The following DTNA variants were observed in gnomAD, a reference collection of about 807,000 sequenced individuals.
DTNA encodes the protein dystrophin-related protein 3.
A neutral mutation model predicts 100.7 loss-of-function variants in DTNA; 43 were observed. The ratio of observed to expected loss-of-function variants is 0.43; its 90% CI spans 0.33 to 0.55. DTNA has a LOEUF of 0.55. Among genes scored for constraint, DTNA ranks in the 20% least tolerant of loss-of-function variants. The pLI is 0.04. For missense variants in DTNA, 798 were observed against 953.9 expected (o/e 0.84, Z 2.15); for synonymous variants, 349 against 347.9 (o/e 1.00, Z -0.04).
At chr18:34,739,494 G>T (rs573349842) in intron 1 of DTNA, among the ~76,000 whole-genome samples, 2 of 152,126 alleles carry the variant, frequency 1.3e-5, no homozygotes, top group Non-Finnish European at 2.9e-5. Flanking sequence ...AGACAGATGT[G>T]CCACAGAGCA....
intron 1 of DTNA, among the ~76,000 whole-genome samples, chr18:34,511,534 A>G (rs1005958226): frequency 3.9e-5 from 6 of 152,086 alleles, no homozygotes; most frequent in East Asian, 1.9e-4. Context: ...TAAGCAATCA[A>G]ATGGGGCCAG....
chr18:34,717,614 A>T (rs969464504), intron 1 of DTNA, among the ~76,000 whole-genome samples: 2 of 152,180 alleles, frequency 1.3e-5, no homozygotes, highest in South Asian at 4.1e-4. Flanking sequence ...TGTGTTGGAC[A>T]CTGACATTGA....
intron 17 of DTNA, among the ~76,000 whole-genome samples, chr18:34,865,547 A>G (rs1489754735): frequency 6.6e-6 from 1 of 152,242 alleles, no homozygotes; most frequent in Non-Finnish European, 1.5e-5. Context: ...TGTACAGTGT[A>G]GAATTCAATT....
intron 11 of DTNA, among the ~76,000 whole-genome samples, chr18:34,832,182 T>G (rs1198899432): frequency 6.6e-6 from 1 of 152,222 alleles, no homozygotes; most frequent in Non-Finnish European, 1.5e-5. Context: ...CCATCCATTT[T>G]CAGTCATAAA....
At chr18:34,645,971 C>T (rs2621757) in intron 1 of DTNA, among the ~76,000 whole-genome samples, 17,584 of 152,030 alleles carry the variant, frequency 0.12, 1,073 homozygotes, top group African/African-American at 0.15. Context: ...CATCCTGGTC[C>T]CCTCCTATTT....
intron 1 of DTNA, among the ~76,000 whole-genome samples, chr18:34,609,204 A>G (rs373678171): frequency 2.0e-5 from 3 of 151,762 alleles, no homozygotes; most frequent in African/African-American, 2.4e-5. Flanking sequence ...GATAAACTAT[A>G]TAATCTATCA....
intron 1 of DTNA, among the ~76,000 whole-genome samples, chr18:34,735,771 C>G (rs2089440062): frequency 6.6e-6 from 1 of 152,124 alleles, no homozygotes; most frequent in Non-Finnish European, 1.5e-5. Flanking sequence ...TTTGCTACAC[C>G]TATCAACTCA....
At chr18:34,810,554 G>A (rs576391320) in intron 5 of DTNA, among the ~76,000 whole-genome samples, 1 of 151,784 alleles carries the variant, frequency 6.6e-6, no homozygotes, top group Non-Finnish European at 1.5e-5. Flanking sequence ...CAGGAGGTTG[G>A]GGGGATAGGG....
intron 1 of DTNA, among the ~76,000 whole-genome samples, chr18:34,602,775 G>A (rs928539233): frequency 6.6e-6 from 1 of 151,868 alleles, no homozygotes; most frequent in African/African-American, 2.4e-5. Context: ...ACTTTGGGAG[G>A]CCGCCGGATC....
At chr18:34,878,910 A>T (rs1036963696) in intron 19 of DTNA, among the ~76,000 whole-genome samples, 1 of 152,202 alleles carries the variant, frequency 6.6e-6, no homozygotes, top group Non-Finnish European at 1.5e-5. Context: ...TTTTAAAAAA[A>T]TCCTGGACTT....
At chr18:34,829,018 A>T in intron 10 of DTNA, 1 of 1,614,060 alleles carries the variant, frequency 6.2e-7, no homozygotes, top group Non-Finnish European at 8.5e-7. Context: ...ATCCTTACTG[A>T]AGGTCATTTT....
intron 1 of DTNA, among the ~76,000 whole-genome samples, chr18:34,499,041 A>G (rs2144532329): frequency 6.6e-6 from 1 of 152,306 alleles, no homozygotes; most frequent in Admixed American, 6.5e-5. Flanking sequence ...TATCACAACC[A>G]GGATGTTGAC....
intron 1 of DTNA, among the ~76,000 whole-genome samples, chr18:34,614,344 A>G (rs529338896): frequency 6.6e-6 from 1 of 152,348 alleles, no homozygotes; most frequent in East Asian, 1.9e-4. Flanking sequence ...GACAACGTCC[A>G]TTCTGTAGAC....
chr18:34,499,241 G>C (rs910640307), intron 1 of DTNA, among the ~76,000 whole-genome samples: 2 of 152,160 alleles, frequency 1.3e-5, no homozygotes, highest in Non-Finnish European at 2.9e-5. Context: ...TACATAATGG[G>C]AACTTTTGGG....
intron 1 of DTNA, among the ~76,000 whole-genome samples, chr18:34,658,218 G>A (rs935722534): frequency 6.6e-6 from 1 of 152,086 alleles, no homozygotes; most frequent in Non-Finnish European, 1.5e-5. Flanking sequence ...GAATTTAGGG[G>A]GATAATTTAC....
At chr18:34,588,814 A>G (rs1426461948) in intron 1 of DTNA, among the ~76,000 whole-genome samples, 1 of 145,512 alleles carries the variant, frequency 6.9e-6, no homozygotes, top group Non-Finnish European at 1.5e-5. Flanking sequence ...TTTAGCCTTT[A>G]TCTTCCTCTC....
At chr18:34,561,733 C>A (rs1342912397) in intron 1 of DTNA, among the ~76,000 whole-genome samples, 1 of 152,032 alleles carries the variant, frequency 6.6e-6, no homozygotes, top group African/African-American at 2.4e-5. Flanking sequence ...AAAGTATTAA[C>A]ATTTTGCTGC....
intron 3 of DTNA, among the ~76,000 whole-genome samples, chr18:34,772,971 G>A (rs1253304573): frequency 6.6e-6 from 1 of 152,202 alleles, no homozygotes; most frequent in African/African-American, 2.4e-5. Flanking sequence ...GTCAGCTGGA[G>A]ACTACCTTCA....
At chr18:34,496,504 A>G (rs2039247133) in intron 1 of DTNA, among the ~76,000 whole-genome samples, 1 of 152,052 alleles carries the variant, frequency 6.6e-6, no homozygotes, top group South Asian at 2.1e-4. Flanking sequence ...CTCACTTGGT[A>G]GTTTTGACAT....
Sources: gnomAD v4.1 joint callset for allele counts (sites outside exome capture counted in the v4.1 genomes callset) on GRCh38, gnomAD v4.1.1 for gene constraint, MANE v1.5 for transcripts, NCBI Gene and HGNC (gene_info 2026-07-23, HGNC 2026-07-21) for gene names.